The following TAFA1 variants were observed in gnomAD, a reference collection of about 807,000 sequenced individuals.
The protein encoded by TAFA1 is TAFA chemokine like family member 1.
A neutral mutation model predicts 18.5 loss-of-function variants in TAFA1; 4 were observed. The observed-to-expected ratio is 0.22, with a 90% CI of 0.11 to 0.49. TAFA1 has a LOEUF of 0.49. TAFA1 is among the 20% of genes least tolerant of loss of function. The pLI is 0.98. For missense variants in TAFA1, 147 were observed against 169.0 expected (o/e 0.87, Z 0.72); for synonymous variants, 56 against 55.2 (o/e 1.01, Z -0.06).
intron 2 of TAFA1, among the ~76,000 whole-genome samples, chr3:68,149,830 A>T (rs1002030962): frequency 2.6e-5 from 4 of 152,224 alleles, no homozygotes; most frequent in Admixed American, 1.3e-4. Context: ...AAGACCTAGC[A>T]CGTGTGTTTC....
At chr3:68,327,248 CTTTA>C (rs1476936013) in intron 2 of TAFA1, among the ~76,000 whole-genome samples, 3 of 152,070 alleles carry the variant, frequency 2.0e-5, no homozygotes, top group African/African-American at 7.2e-5. Flanking sequence ...TCAGGTATGT[CTTTA>C]TTAGCATCAT....
intron 2 of TAFA1, among the ~76,000 whole-genome samples, chr3:68,022,456 T>C (rs560040630): frequency 6.6e-6 from 1 of 152,220 alleles, no homozygotes; most frequent in African/African-American, 2.4e-5. Context: ...TGTCCATCCT[T>C]CTTTCCTTTC....
At chr3:68,332,763 A>G (rs1373817977) in intron 2 of TAFA1, among the ~76,000 whole-genome samples, 1 of 152,222 alleles carries the variant, frequency 6.6e-6, no homozygotes, top group East Asian at 1.9e-4. Flanking sequence ...TCAAAAGATA[A>G]TAAGTGTTGA....
chr3:68,330,860 A>G (rs549726492), intron 2 of TAFA1, among the ~76,000 whole-genome samples: 74 of 152,266 alleles, frequency 4.9e-4, no homozygotes, highest in African/African-American at 1.8e-3. Flanking sequence ...AAATATTTGT[A>G]TTGCCCTTAC....
chr3:68,280,185 A>G lies in TAFA1; in HGVS notation c.119-137095A>G, dbSNP rs151073833. 2.0e-5 allele frequency among the ~76,000 whole-genome samples: 3 copies of G among 152,300 alleles called. No homozygotes were observed. The East Asian group carries it at 5.8e-4, about 29-fold the overall frequency. Reference sequence around the variant, plus strand: ...GAAGAAAAAGCTGTAATCAAGCATAAAAGGACTTTTAAAAGGGGGAACTGA... The same window carrying G: ...GAAGAAAAAGCTGTAATCAAGCATAGAAGGACTTTTAAAAGGGGGAACTGA... On this transcript the variant is annotated intron_variant, in intron 2 of 4. Transcript: ENST00000478136.
chr3:68,519,698 A>G (rs978093504), intron 3 of TAFA1, among the ~76,000 whole-genome samples: 2 of 151,940 alleles, frequency 1.3e-5, no homozygotes, highest in Non-Finnish European at 2.9e-5. Flanking sequence ...TGGGTTGTAT[A>G]CTCTTGGCTT....
intron 2 of TAFA1, among the ~76,000 whole-genome samples, chr3:68,339,731 A>T (rs1341712172): frequency 6.6e-6 from 1 of 152,156 alleles, no homozygotes; most frequent in African/African-American, 2.4e-5. Flanking sequence ...TCACTAAGAT[A>T]TTGCAATCTT....
chr3:68,540,724 T>A (rs2073358190), intron 4 of TAFA1, among the ~76,000 whole-genome samples: 1 of 152,196 alleles, frequency 6.6e-6, no homozygotes, highest in Non-Finnish European at 1.5e-5. Flanking sequence ...AGGATTTAAA[T>A]ATGTGAAATT....
chr3:68,315,533 T>C (rs2068593424), intron 2 of TAFA1, among the ~76,000 whole-genome samples: 1 of 152,204 alleles, frequency 6.6e-6, no homozygotes, highest in Non-Finnish European at 1.5e-5. Context: ...CTATGCCATA[T>C]GTGCCTAGCT....
intron 3 of TAFA1, among the ~76,000 whole-genome samples, chr3:68,525,721 C>G (rs2073102852): frequency 6.6e-6 from 1 of 152,088 alleles, no homozygotes; most frequent in Admixed American, 6.6e-5. Context: ...TTAAGGAGTC[C>G]ATATTTCATC....
At chr3:68,241,218 A>G (rs2066995063) in intron 2 of TAFA1, among the ~76,000 whole-genome samples, 1 of 152,164 alleles carries the variant, frequency 6.6e-6, no homozygotes, top group Admixed American at 6.5e-5. Flanking sequence ...ATTTCATACT[A>G]AAAGTTTTGG....
chr3:68,393,677 G>C (rs1490232516), intron 2 of TAFA1, among the ~76,000 whole-genome samples: 2 of 152,140 alleles, frequency 1.3e-5, no homozygotes, highest in Non-Finnish European at 2.9e-5. Flanking sequence ...AATCAAGTCA[G>C]CTTCATCCCG....
rs1294048573 is a variant in TAFA1 at position 68,230,053 on chromosome 3, A to G, written c.119-187227A>G. On this transcript the variant is annotated intron_variant, in intron 2 of 4. Coordinates refer to ENST00000478136, the MANE Select transcript of TAFA1 (RefSeq NM_213609.4). ...ATTTTAGCACAAGCATGCAGTAAGT[A>G]ATGATCCAATCAGTATAATTGGGAT... 2.0e-5 allele frequency among the ~76,000 whole-genome samples: 3 copies of G among 152,190 alleles called. 1 individual carries two copies. Among genetic ancestry groups the G allele is most frequent in the Non-Finnish European group, 4.4e-5 (3 of 68,028 alleles).
At chr3:68,059,936 A>C (rs1477080560) in intron 2 of TAFA1, among the ~76,000 whole-genome samples, 1 of 152,074 alleles carries the variant, frequency 6.6e-6, no homozygotes, top group East Asian at 1.9e-4. Context: ...GAGCCCCCGC[A>C]GGCTTGTTCC....
chr3:68,461,282 A>AAAAC (rs3037407), intron 3 of TAFA1, among the ~76,000 whole-genome samples: 53,027 of 139,852 alleles, frequency 0.38, 11,023 homozygotes, highest in Middle Eastern at 0.46. Context: ...ACTCTGCCAA[A>AAAAC]AAACAAACAA....
At chr3:68,072,253 G>C (rs982403997) in intron 2 of TAFA1, among the ~76,000 whole-genome samples, 4 of 152,186 alleles carry the variant, frequency 2.6e-5, no homozygotes, top group African/African-American at 9.7e-5. Context: ...CTGCGGCAGA[G>C]CAGATATCAT....
At chr3:68,093,416 T>G (rs1327715056) in intron 2 of TAFA1, among the ~76,000 whole-genome samples, 1 of 152,140 alleles carries the variant, frequency 6.6e-6, no homozygotes, top group Non-Finnish European at 1.5e-5. Flanking sequence ...AGGAAGACCT[T>G]AAAAACTTCC....
intron 2 of TAFA1, among the ~76,000 whole-genome samples, chr3:68,035,061 T>G (rs1273264365): frequency 6.6e-6 from 1 of 152,154 alleles, no homozygotes; most frequent in Non-Finnish European, 1.5e-5. Flanking sequence ...TCCCCCTACT[T>G]TACCATGTCA....
chr3:68,110,178 G>A lies in TAFA1; in HGVS notation c.118+103434G>A, dbSNP rs552158858. Among the ~76,000 whole-genome samples, 5 of 152,182 alleles carry A rather than the reference G, an allele frequency of 3.3e-5. No homozygotes were observed. The East Asian group carries it at 9.7e-4, about 29-fold the overall frequency. On this transcript the variant is annotated intron_variant, in intron 2 of 4. Coordinates refer to ENST00000478136, the MANE Select transcript of TAFA1 (RefSeq NM_213609.4). ...GTGGGTGTTGTTTCCCCTACCATGT[G>A]TCCATGTGTTCTCATGGTTCAGCTC...
Sources: allele counts gnomAD v4.1 joint callset (sites outside exome capture counted in the v4.1 genomes callset), GRCh38; gene constraint gnomAD v4.1.1; transcripts MANE v1.5; gene names NCBI Gene and HGNC (gene_info 2026-07-23, HGNC 2026-07-21).